The following STX8 variants were observed in gnomAD, a reference collection of about 807,000 sequenced individuals.
STX8 encodes syntaxin-8.
STX8 carries 23 observed loss-of-function variants against 37.5 expected under a neutral mutation model. The observed-to-expected ratio is 0.61, with a 90% confidence interval of 0.44 to 0.87. STX8 has a LOEUF of 0.87. Ranked by LOEUF, STX8 falls within the 40% of genes least tolerant of loss-of-function variation. STX8 has a pLI of 0.00. For missense variants in STX8, 313 were observed against 284.7 expected, an observed-to-expected ratio of 1.10 and a Z score of -0.71; for synonymous variants, 115 against 99.1, an observed-to-expected ratio of 1.16 and a Z score of -0.95.
intron 6 of STX8, among the ~76,000 whole-genome samples, chr17:9,455,194 CCT>C (rs1382950419): frequency 6.9e-6 from 1 of 145,558 alleles, no homozygotes; most frequent in Non-Finnish European, 1.5e-5. Context: ...AGAGCAAGAC[CCT>C]GTCTCTTAAA....
chr17:9,451,257 C>T (rs951994764), intron 6 of STX8, among the ~76,000 whole-genome samples: 1 of 152,150 alleles, frequency 6.6e-6, no homozygotes, highest in Non-Finnish European at 1.5e-5. Flanking sequence ...ATATGTATCT[C>T]TCTGTGGAGA....
chr17:9,516,632 C>G (rs9905065), intron 4 of STX8, among the ~76,000 whole-genome samples: 2 of 152,032 alleles, frequency 1.3e-5, no homozygotes, highest in Non-Finnish European at 2.9e-5. Context: ...GATGTACACC[C>G]GATTCTCTTT....
rs567794868 is a variant in STX8 at position 9,414,950 on chromosome 17, C to A, written c.542-36297G>T. Among the ~76,000 whole-genome samples, 232 of 152,074 alleles carry A rather than the reference C, an allele frequency of 1.5e-3. 2 individuals are homozygous for A. The highest frequency in any genetic ancestry group is 4.8e-3 in the African/African-American group (201 of 41,482). On this transcript the variant is annotated intron_variant, in intron 6 of 7. Coordinates refer to ENST00000306357, the MANE Select transcript of STX8 (RefSeq NM_004853.3). ...GGATTACAGGCACCCGCCACCATGC[C>A]CAGCTAATTTTTGTATTTTTAGTAG...
intron 7 of STX8, among the ~76,000 whole-genome samples, chr17:9,268,507 G>C (rs1907312940): frequency 6.6e-6 from 1 of 152,158 alleles, no homozygotes; most frequent in African/African-American, 2.4e-5. Flanking sequence ...TCATCTTGGG[G>C]GATGAGGCCG....
At chr17:9,552,197 C>T (rs1034069393) in intron 3 of STX8, among the ~76,000 whole-genome samples, 3 of 152,002 alleles carry the variant, frequency 2.0e-5, no homozygotes, top group Admixed American at 6.6e-5. Context: ...AAAAAATTAG[C>T]TGGGCATGGT....
chr17:9,543,071 T>C (rs1426212633), intron 4 of STX8, among the ~76,000 whole-genome samples: 2 of 152,176 alleles, frequency 1.3e-5, no homozygotes, highest in Non-Finnish European at 2.9e-5. Flanking sequence ...CAGAGTCTGG[T>C]GCAAAACATG....
chr17:9,493,901 T>G (rs1010892875), intron 5 of STX8, among the ~76,000 whole-genome samples: 2 of 152,160 alleles, frequency 1.3e-5, no homozygotes, highest in African/African-American at 2.4e-5. Flanking sequence ...GTTTATAAAT[T>G]TATAGTATAT....
chr17:9,467,718 C>T (rs371888878), intron 6 of STX8, among the ~76,000 whole-genome samples: 1 of 152,280 alleles, frequency 6.6e-6, no homozygotes, highest in African/African-American at 2.4e-5. Context: ...ATCCACTCTC[C>T]GGAGTGGCTC....
rs1476356035 is a variant in STX8 at position 9,523,584 on chromosome 17, T to C, written c.324-18422A>G. On this transcript the variant is annotated intron_variant, in intron 4 of 7. Transcript: ENST00000306357. ...TATGATAAATCCGTTGAGTGTCCAG[T>C]CAAGATGAGCAATCTACATTTGCTT... Among the ~76,000 whole-genome samples the C allele has an allele frequency of 2.6e-5, 4 of 152,152 alleles. No individual in the cohort carries two copies. The East Asian group carries it at 7.7e-4, about 29-fold the overall frequency.
At chr17:9,361,254 T>G (rs1911053110) in intron 7 of STX8, among the ~76,000 whole-genome samples, 2 of 152,206 alleles carry the variant, frequency 1.3e-5, no homozygotes, top group Admixed American at 1.3e-4. Flanking sequence ...ATTTAAAAGC[T>G]AATACCAGGG....
At chr17:9,574,303 T>C (rs905686705) in intron 1 of STX8, among the ~76,000 whole-genome samples, 1 of 150,092 alleles carries the variant, frequency 6.7e-6, no homozygotes, top group Non-Finnish European at 1.5e-5. Context: ...AAAAGAAAGT[T>C]ATGCTTTCAA....
chr17:9,299,465 CAA>C (rs1404115831), intron 7 of STX8, among the ~76,000 whole-genome samples: 5 of 110,360 alleles, frequency 4.5e-5, no homozygotes, highest in Non-Finnish European at 8.6e-5. Flanking sequence ...TTTTTTGAGA[CAA>C]GAGTCTCACT....
intron 2 of STX8, 131 bp from the exon 3 acceptor site, chr17:9,557,659 C>A: frequency 1.3e-6 from 1 of 747,614 alleles, no homozygotes; most frequent in Non-Finnish European, 2.2e-6. Flanking sequence ...ATACTCAGCC[C>A]CTCACGACAA....
At chr17:9,433,943 G>A (rs901604504) in intron 6 of STX8, among the ~76,000 whole-genome samples, 1 of 152,194 alleles carries the variant, frequency 6.6e-6, no homozygotes, top group Non-Finnish European at 1.5e-5. Context: ...ATGGATTGCT[G>A]TAGTCAGTGC....
intron 3 of STX8, 181 bp downstream of exon 3, chr17:9,557,253 A>G: frequency 1.8e-6 from 1 of 553,640 alleles, no homozygotes; most frequent in Non-Finnish European, 3.2e-6. Flanking sequence ...TTGCCAGCAT[A>G]TTCACTGTAA....
Position 9,544,820 on chromosome 17 carries a change from A to G in STX8, c.323+352T>C, listed in dbSNP as rs142703184. ...ATCCTGACTAATACGGTGAAACCCC[A>G]TCTCTACTAAAAATACAAAAAATTA... On this transcript the variant is annotated intron_variant, in intron 4 of 7. Coordinates refer to ENST00000306357, the MANE Select transcript of STX8 (RefSeq NM_004853.3). Among the ~76,000 whole-genome samples the G allele has an allele frequency of 5.4e-3, 821 of 152,144 alleles. 9 individuals carry two copies. Among genetic ancestry groups the G allele is most frequent in the East Asian group, 0.028 (144 of 5,150 alleles).
At chr17:9,565,163 G>A (rs781151999) in intron 2 of STX8, among the ~76,000 whole-genome samples, 28 of 152,188 alleles carry the variant, frequency 1.8e-4, no homozygotes, top group Non-Finnish European at 3.4e-4. Flanking sequence ...AGCCAGGATC[G>A]TGCCACTGCA....
At chr17:9,557,626 C>A in intron 2 of STX8, 98 bp from the exon 3 acceptor site, 1 of 1,015,688 alleles carries the variant, frequency 9.8e-7, no homozygotes, top group South Asian at 1.4e-5. Flanking sequence ...ATGATGCAAC[C>A]AAGCAAGGGC....
intron 3 of STX8, among the ~76,000 whole-genome samples, chr17:9,545,663 C>A (rs1394603828): frequency 1.7e-4 from 26 of 152,212 alleles, no homozygotes; most frequent in Non-Finnish European, 2.9e-5. Context: ...CCACTGCAAC[C>A]TCTGCCTCCC....
Sources: allele counts gnomAD v4.1 joint callset (sites outside exome capture counted in the v4.1 genomes callset), GRCh38; gene constraint gnomAD v4.1.1; transcripts MANE v1.5; gene names NCBI Gene and HGNC (gene_info 2026-07-23, HGNC 2026-07-21).